Variants in ARID4B observed in about 807,000 individuals in gnomAD.
The protein encoded by ARID4B is AT-rich interaction domain 4B.
In ARID4B, 26 loss-of-function variants were observed where a neutral mutation model predicts 147.5. The observed-to-expected ratio is 0.18, with a 90% CI of 0.13 to 0.24. The LOEUF is 0.24. Among genes scored for constraint, ARID4B ranks in the 10% least tolerant of loss-of-function variants. ARID4B has a pLI of 1.00. For synonymous variants in ARID4B, 512 were observed against 507.9 expected, an observed-to-expected ratio of 1.01 and a Z score of -0.11; for missense variants, 1,179 against 1,511.5, an observed-to-expected ratio of 0.78 and a Z score of 3.65.
At chr1:235,179,610 T>C (rs1044879379) in intron 20 of ARID4B, among the ~76,000 whole-genome samples, 2 of 150,340 alleles carry the variant, frequency 1.3e-5, no homozygotes, top group African/African-American at 2.4e-5. Context: ...ACCCTAAATT[T>C]AGGAGTAGCT....
At chr1:235,257,878 C>G (rs1458604254) in intron 3 of ARID4B, among the ~76,000 whole-genome samples, 1 of 152,102 alleles carries the variant, frequency 6.6e-6, no homozygotes, top group Non-Finnish European at 1.5e-5. Context: ...GGATTTTAGG[C>G]TATTAGGTAT....
chr1:235,204,398 T>C (rs1666171173), intron 17 of ARID4B, among the ~76,000 whole-genome samples: 1 of 152,126 alleles, frequency 6.6e-6, no homozygotes, highest in Non-Finnish European at 1.5e-5. Context: ...AACACTTAAA[T>C]CTACATCAGA....
chr1:235,190,402 T>C (rs541911352), intron 19 of ARID4B, among the ~76,000 whole-genome samples: 1 of 151,696 alleles, frequency 6.6e-6, no homozygotes, highest in South Asian at 2.1e-4. Context: ...AAGCCAAAAT[T>C]GTGCCACTGC....
chr1:235,188,709 G>C (rs938977234), intron 19 of ARID4B, among the ~76,000 whole-genome samples: 2 of 152,082 alleles, frequency 1.3e-5, no homozygotes, highest in African/African-American at 2.4e-5. Flanking sequence ...CTCCAGTCAA[G>C]AGATTGGAAC....
At chr1:235,246,355 C>T (rs1669299349) in intron 7 of ARID4B, 65 bp downstream of exon 7, 1 of 1,311,472 alleles carries the variant, frequency 7.6e-7, no homozygotes, top group Non-Finnish European at 1.1e-6. Flanking sequence ...TTTAAAATAA[C>T]TATAAACAAT....
intron 19 of ARID4B, among the ~76,000 whole-genome samples, chr1:235,186,886 C>T (rs907005772): frequency 1.3e-5 from 2 of 150,670 alleles, no homozygotes; most frequent in Admixed American, 6.6e-5. Flanking sequence ...ATTAGAGACA[C>T]GGTTTTACCA....
intron 5 of ARID4B, 109 bp from the exon 6 acceptor site, chr1:235,252,918 C>T (rs1265336520): frequency 1.4e-6 from 1 of 739,034 alleles, no homozygotes; most frequent in Non-Finnish European, 2.2e-6. Flanking sequence ...TTTAAGACTA[C>T]ATTTGGAATT....
intron 16 of ARID4B, among the ~76,000 whole-genome samples, chr1:235,216,998 T>G (rs1231000467): frequency 1.3e-5 from 2 of 152,090 alleles, no homozygotes; most frequent in African/African-American, 4.8e-5. Flanking sequence ...CATCATAGAA[T>G]ACACTGAGTT....
At chr1:235,225,253 T>C (rs551910371) in intron 11 of ARID4B, among the ~76,000 whole-genome samples, 7 of 152,336 alleles carry the variant, frequency 4.6e-5, no homozygotes, top group Non-Finnish European at 1.0e-4. Flanking sequence ...CTTCATTTTA[T>C]GCAGCCCCAC....
At chr1:235,199,023 C>T (rs1321565733) in intron 17 of ARID4B, among the ~76,000 whole-genome samples, 8 of 152,042 alleles carry the variant, frequency 5.3e-5, no homozygotes, top group African/African-American at 7.2e-5. Context: ...CGCTTCAACC[C>T]GGGAGGCGGA....
chr1:235,251,101 C>T (rs190447091), intron 6 of ARID4B, among the ~76,000 whole-genome samples: 3 of 151,778 alleles, frequency 2.0e-5, no homozygotes, highest in Admixed American at 2.0e-4. Context: ...TTATTCCACA[C>T]ATATTTATTG....
At chr1:235,185,166 C>T (rs1348057015) in intron 19 of ARID4B, among the ~76,000 whole-genome samples, 2 of 152,144 alleles carry the variant, frequency 1.3e-5, no homozygotes, top group East Asian at 3.8e-4. Flanking sequence ...GGGATTCTTA[C>T]TTATCAACAC....
chr1:235,315,459 C>T (rs1005577811), intron 2 of ARID4B, among the ~76,000 whole-genome samples: 10 of 152,122 alleles, frequency 6.6e-5, no homozygotes, highest in Non-Finnish European at 1.5e-5. Context: ...TCCCACTGTC[C>T]AAGATATAGT....
At chr1:235,307,599 G>A (rs1673671522) in intron 2 of ARID4B, among the ~76,000 whole-genome samples, 1 of 152,160 alleles carries the variant, frequency 6.6e-6, no homozygotes, top group African/African-American at 2.4e-5. Context: ...CACCCAGATT[G>A]TAAAACTTTT....
chr1:235,248,150 C>G (rs1669419950), intron 6 of ARID4B, among the ~76,000 whole-genome samples: 1 of 152,134 alleles, frequency 6.6e-6, no homozygotes, highest in African/African-American at 2.4e-5. Flanking sequence ...CTCCTGGGCT[C>G]AAGTGATCCT....
At chr1:235,176,072 T>C (rs559174965) in intron 21 of ARID4B, among the ~76,000 whole-genome samples, 7 of 152,210 alleles carry the variant, frequency 4.6e-5, no homozygotes, top group South Asian at 2.1e-4. Context: ...TGTGAACAGG[T>C]AGGTGATGGG....
intron 15 of ARID4B, 71 bp from the exon 16 acceptor site, chr1:235,220,039 T>G: frequency 9.9e-7 from 1 of 1,008,586 alleles, no homozygotes; most frequent in Non-Finnish European, 1.4e-6. Context: ...GTTTATCTCT[T>G]AGCAACAGGA....
In ARID4B at chr1:235,261,361, T is replaced by TA. The variant is rs1248714106; in HGVS notation, c.7-610dup. ...ATAGGGAAAACTCAACTCTACAAAA[T>TA]AAAAAAATAAAAACTGGCTGGCTAT... is the stretch of plus-strand genomic sequence containing the variant. On this transcript the variant is annotated intron_variant, in intron 2 of 23. Transcript: ENST00000264183. 2.6e-5 allele frequency among the ~76,000 whole-genome samples: 4 copies of TA among 151,890 alleles called. No individual in the cohort carries two copies. In the East Asian group the frequency reaches 7.7e-4, roughly 29 times the overall value.
intron 8 of ARID4B, among the ~76,000 whole-genome samples, chr1:235,237,914 G>A (rs763573031): frequency 7.9e-5 from 12 of 152,080 alleles, no homozygotes; most frequent in Non-Finnish European, 1.8e-4. Flanking sequence ...ATTTTGGGAG[G>A]CTGAGGCGGG....
Sources: gnomAD v4.1 joint callset for allele counts (sites outside exome capture counted in the v4.1 genomes callset) on GRCh38, gnomAD v4.1.1 for gene constraint, MANE v1.5 for transcripts, NCBI Gene and HGNC (gene_info 2026-07-23, HGNC 2026-07-21) for gene names.